The following CCSER1 variants were observed in gnomAD, a reference collection of about 807,000 sequenced individuals.
The protein encoded by CCSER1 is coiled-coil serine rich protein 1.
In CCSER1, 41 loss-of-function variants were observed where a neutral mutation model predicts 82.0. That is an observed-to-expected ratio of 0.50 (90% CI 0.39 to 0.65). The LOEUF is 0.65. Ranked by LOEUF, CCSER1 falls within the 30% of genes least tolerant of loss-of-function variation. CCSER1 has a pLI of 0.00. For synonymous variants in CCSER1, 414 were observed against 383.9 expected (o/e 1.08, Z -0.92); for missense variants, 1,119 against 1,064.2 (o/e 1.05, Z -0.72).
intron 10 of CCSER1, among the ~76,000 whole-genome samples, chr4:91,467,425 C>G (rs1264618266): frequency 6.6e-6 from 1 of 152,172 alleles, no homozygotes; most frequent in Non-Finnish European, 1.5e-5. Flanking sequence ...CAATACCATT[C>G]AGGCCATAGG....
chr4:90,409,022 G>T (rs999494947), intron 4 of CCSER1, among the ~76,000 whole-genome samples: 1 of 152,152 alleles, frequency 6.6e-6, no homozygotes. Context: ...CTGGAAGAAA[G>T]GGTATCAGTG....
At chr4:90,186,460 TG>T (rs1734630718) in intron 1 of CCSER1, among the ~76,000 whole-genome samples, 1 of 151,996 alleles carries the variant, frequency 6.6e-6, no homozygotes, top group African/African-American at 2.4e-5. Flanking sequence ...AGTGTCTGTC[TG>T]AAGCCTTAAA....
intron 1 of CCSER1, among the ~76,000 whole-genome samples, chr4:90,253,720 G>T (rs892263131): frequency 3.0e-4 from 46 of 152,186 alleles, no homozygotes; most frequent in Admixed American, 2.4e-3. Flanking sequence ...CTCTGATATT[G>T]TTCCTAAGAG....
intron 1 of CCSER1, among the ~76,000 whole-genome samples, chr4:90,230,121 C>T (rs1299887033): frequency 6.6e-6 from 1 of 152,124 alleles, no homozygotes; most frequent in South Asian, 2.1e-4. Context: ...CCAAGCGGAC[C>T]TAATAGACAT....
intron 7 of CCSER1, among the ~76,000 whole-genome samples, chr4:90,771,979 T>A (rs1752247186): frequency 6.6e-6 from 1 of 152,144 alleles, no homozygotes; most frequent in Non-Finnish European, 1.5e-5. Flanking sequence ...AAATCCCAGG[T>A]GCTGCCAGAC....
At chr4:90,856,722 GT>G (rs906731509) in intron 8 of CCSER1, among the ~76,000 whole-genome samples, 4 of 152,168 alleles carry the variant, frequency 2.6e-5, no homozygotes, top group Middle Eastern at 3.4e-3. Context: ...ATTTTCCACA[GT>G]TTCTGTCTAT....
At chr4:90,497,263 C>T (rs1769182427) in intron 5 of CCSER1, among the ~76,000 whole-genome samples, 1 of 152,102 alleles carries the variant, frequency 6.6e-6, no homozygotes, top group Non-Finnish European at 1.5e-5. Flanking sequence ...TTACACAGAA[C>T]CATGCAAAAT....
At chr4:91,140,522 A>C (rs1301019374) in intron 10 of CCSER1, among the ~76,000 whole-genome samples, 1 of 152,150 alleles carries the variant, frequency 6.6e-6, no homozygotes, top group Non-Finnish European at 1.5e-5. Flanking sequence ...GTCTATAAAA[A>C]GTATAAAACA....
At chr4:91,352,193 TTTTAA>T (rs1160887922) in intron 10 of CCSER1, among the ~76,000 whole-genome samples, 4 of 152,250 alleles carry the variant, frequency 2.6e-5, no homozygotes, top group African/African-American at 4.8e-5. Flanking sequence ...TTGTCAAAAC[TTTTAA>T]TTTAACAACA....
chr4:91,523,955 A>C (rs1317839629), intron 10 of CCSER1, among the ~76,000 whole-genome samples: 1 of 152,142 alleles, frequency 6.6e-6, no homozygotes, highest in Non-Finnish European at 1.5e-5. Context: ...AGAATGACAA[A>C]ATCACCTATA....
intron 8 of CCSER1, among the ~76,000 whole-genome samples, chr4:90,916,817 G>GA (rs1345905973): frequency 6.6e-6 from 1 of 151,908 alleles, no homozygotes; most frequent in South Asian, 2.1e-4. Context: ...AAATTTACAA[G>GA]AAAAAAATGA....
At chr4:90,233,312 T>C (rs1389656447) in intron 1 of CCSER1, among the ~76,000 whole-genome samples, 1 of 152,140 alleles carries the variant, frequency 6.6e-6, no homozygotes, top group African/African-American at 2.4e-5. Context: ...GATGAGTTCA[T>C]GTCCTTTGTA....
intron 1 of CCSER1, among the ~76,000 whole-genome samples, chr4:90,295,840 C>G (rs983409804): frequency 2.0e-5 from 3 of 151,966 alleles, no homozygotes; most frequent in Non-Finnish European, 4.4e-5. Flanking sequence ...TCCCCAGTGT[C>G]CCCATCTTAT....
chr4:91,364,424 C>A (rs1427104481), intron 10 of CCSER1, among the ~76,000 whole-genome samples: 1 of 152,074 alleles, frequency 6.6e-6, no homozygotes, highest in African/African-American at 2.4e-5. Context: ...TAAAAGAATT[C>A]TTCTCAATAT....
At chr4:90,718,326 T>C (rs959078461) in intron 6 of CCSER1, among the ~76,000 whole-genome samples, 2 of 152,100 alleles carry the variant, frequency 1.3e-5, no homozygotes, top group African/African-American at 2.4e-5. Flanking sequence ...TTCAGCCCAA[T>C]TGATCATGTT....
At chr4:90,688,241 C>T (rs1735176948) in intron 6 of CCSER1, among the ~76,000 whole-genome samples, 1 of 152,028 alleles carries the variant, frequency 6.6e-6, no homozygotes, top group South Asian at 2.1e-4. Flanking sequence ...ACTGTCAATA[C>T]CCATTTCATA....
At chr4:91,068,251 G>C (rs1009834447) in intron 9 of CCSER1, among the ~76,000 whole-genome samples, 1 of 152,154 alleles carries the variant, frequency 6.6e-6, no homozygotes, top group African/African-American at 2.4e-5. Context: ...AGATATCATA[G>C]AGAAATAAAA....
intron 1 of CCSER1, among the ~76,000 whole-genome samples, chr4:90,302,205 T>A (rs1368720069): frequency 3.3e-5 from 5 of 152,174 alleles, no homozygotes; most frequent in Non-Finnish European, 7.4e-5. Flanking sequence ...AGGCACTGGG[T>A]ATTAAAGCAA....
At chr4:91,122,282 C>T (rs765308695) in intron 10 of CCSER1, among the ~76,000 whole-genome samples, 4 of 151,704 alleles carry the variant, frequency 2.6e-5, no homozygotes, top group Non-Finnish European at 4.4e-5. Context: ...TTTGTAGACT[C>T]GTAGATACAG....
Sources: gnomAD v4.1 joint callset for allele counts (sites outside exome capture counted in the v4.1 genomes callset) on GRCh38, gnomAD v4.1.1 for gene constraint, MANE v1.5 for transcripts, NCBI Gene and HGNC (gene_info 2026-07-23, HGNC 2026-07-21) for gene names.